Variants in CEP112 observed in about 807,000 individuals in gnomAD.
The protein encoded by CEP112 is centrosomal protein of 112 kDa.
CEP112 carries 127 observed loss-of-function variants against 153.0 expected under a neutral mutation model. The observed-to-expected ratio is 0.83, with a 90% CI of 0.72 to 0.96. The LOEUF (loss-of-function observed/expected upper bound fraction) is 0.96. Ranked by LOEUF, CEP112 falls within the 40% of genes least tolerant of loss-of-function variation. The pLI is 0.00. For synonymous variants in CEP112, 358 were observed against 374.4 expected, an observed-to-expected ratio of 0.96 and a Z score of 0.51; for missense variants, 1,089 against 1,101.2, an observed-to-expected ratio of 0.99 and a Z score of 0.16.
chr17:65,895,202 C>G (rs2059617011), intron 20 of CEP112, among the ~76,000 whole-genome samples: 1 of 151,922 alleles, frequency 6.6e-6, no homozygotes, highest in African/African-American at 2.4e-5. Flanking sequence ...TCTTCTGACC[C>G]AGGTAAAAAG....
intron 23 of CEP112, among the ~76,000 whole-genome samples, chr17:65,707,221 C>T (rs890975814): frequency 6.6e-6 from 1 of 152,062 alleles, no homozygotes; most frequent in African/African-American, 2.4e-5. Context: ...CTCACTTTAC[C>T]CTGCCACATT....
At chr17:66,080,767 GC>G (rs1461568779) in intron 8 of CEP112, among the ~76,000 whole-genome samples, 1 of 152,082 alleles carries the variant, frequency 6.6e-6, no homozygotes, top group African/African-American at 2.4e-5. Flanking sequence ...CAACCCAAAT[GC>G]CCATCAATGA....
chr17:65,720,896 G>A (rs1472377958), intron 23 of CEP112, among the ~76,000 whole-genome samples: 2 of 152,090 alleles, frequency 1.3e-5, no homozygotes, highest in African/African-American at 4.8e-5. Context: ...TGCACAGAGA[G>A]GTTAAATAAC....
At chr17:65,678,065 G>A (rs186946023) in intron 24 of CEP112, among the ~76,000 whole-genome samples, 139 of 152,122 alleles carry the variant, frequency 9.1e-4, no homozygotes, top group Non-Finnish European at 1.5e-3. Context: ...GTGGCCCCTC[G>A]GAATGTTTGA....
At chr17:66,038,110 A>AAAAAAAAAAAAAAAAAG (rs71293591) in intron 12 of CEP112, among the ~76,000 whole-genome samples, 1,294 of 120,026 alleles carry the variant, frequency 0.011, 1 homozygote, top group Non-Finnish European at 0.014. Context: ...CAAAAAAAAA[A>AAAAAAAAAAAAAAAAAG]AAAAGAAAAG....
At chr17:65,921,348 TTGTCATGA>T (rs2060721172) in intron 19 of CEP112, among the ~76,000 whole-genome samples, 1 of 152,202 alleles carries the variant, frequency 6.6e-6, no homozygotes, top group Non-Finnish European at 1.5e-5. Flanking sequence ...TGCCTATCGT[TTGTCATGA>T]TAAACTTCCA....
chr17:65,971,415 A>ATGTGATGTAT (rs2062794710), intron 17 of CEP112, among the ~76,000 whole-genome samples: 5 of 151,416 alleles, frequency 3.3e-5, no homozygotes, highest in African/African-American at 4.9e-5. Flanking sequence ...GCACCCATGC[A>ATGTGATGTAT]GCATGCTGCA....
At chr17:66,188,778 G>A (rs559399193) in intron 1 of CEP112, among the ~76,000 whole-genome samples, 1 of 152,130 alleles carries the variant, frequency 6.6e-6, no homozygotes, top group South Asian at 2.1e-4. Flanking sequence ...TATGCACGTG[G>A]TAACAGAAGG....
chr17:65,674,439 G>C (rs1264292934), intron 24 of CEP112, among the ~76,000 whole-genome samples: 3 of 152,208 alleles, frequency 2.0e-5, no homozygotes, highest in Non-Finnish European at 4.4e-5. Flanking sequence ...CAATTCTAGA[G>C]TGGTTGGTGA....
chr17:65,927,337 T>C (rs1343065705), intron 19 of CEP112, among the ~76,000 whole-genome samples: 4 of 152,190 alleles, frequency 2.6e-5, no homozygotes, highest in Admixed American at 2.6e-4. Flanking sequence ...CTACCCAGTC[T>C]CATCAATTAT....
intron 24 of CEP112, among the ~76,000 whole-genome samples, chr17:65,673,001 T>G (rs2047061624): frequency 6.6e-6 from 1 of 152,176 alleles, no homozygotes; most frequent in Non-Finnish European, 1.5e-5. Context: ...CAACACAGAT[T>G]TATTCCCTCA....
At chr17:66,161,540 C>T (rs897249426) in intron 4 of CEP112, among the ~76,000 whole-genome samples, 5 of 151,940 alleles carry the variant, frequency 3.3e-5, no homozygotes, top group Non-Finnish European at 5.9e-5. Context: ...TGCAGGGACA[C>T]GGATGAAGCT....
At chr17:65,841,556 C>T (rs184469396) in intron 21 of CEP112, among the ~76,000 whole-genome samples, 31 of 151,812 alleles carry the variant, frequency 2.0e-4, no homozygotes, top group African/African-American at 7.2e-4. Flanking sequence ...TACAGTTAAA[C>T]GTAAGGAAGA....
chr17:66,168,895 T>C (rs946533402), intron 4 of CEP112, among the ~76,000 whole-genome samples: 1 of 152,156 alleles, frequency 6.6e-6, no homozygotes, highest in East Asian at 1.9e-4. Context: ...CCTTGCTACT[T>C]CTGCCTCCTG....
In CEP112 at chr17:65,812,406, T is replaced by A. The variant is rs150895245; in HGVS notation, c.2394+39398A>T. Among the ~76,000 whole-genome samples, 789 of 152,308 alleles carry A rather than the reference T, an allele frequency of 5.2e-3. 3 individuals carry two copies. The highest frequency in any genetic ancestry group is 0.02 in the Middle Eastern group (6 of 294). Reference sequence around the variant, plus strand: ...TTACATGGGGAAGAAAATGGCCTTTTCCTCCTTGTAGATGATTCAGTTAAG... The same window carrying A: ...TTACATGGGGAAGAAAATGGCCTTTACCTCCTTGTAGATGATTCAGTTAAG... On this transcript the variant is annotated intron_variant, in intron 21 of 26. Coordinates refer to ENST00000535342, the MANE Select transcript of CEP112 (RefSeq NM_001199165.4).
chr17:65,987,365 A>T (rs1318143631), intron 17 of CEP112, among the ~76,000 whole-genome samples: 1 of 152,186 alleles, frequency 6.6e-6, no homozygotes, highest in Non-Finnish European at 1.5e-5. Flanking sequence ...TACTCAGAGG[A>T]CAAAAACAAC....
intron 21 of CEP112, among the ~76,000 whole-genome samples, chr17:65,787,934 G>A (rs1411985216): frequency 7.9e-5 from 12 of 152,066 alleles, no homozygotes; most frequent in South Asian, 6.2e-4. Context: ...TGTGACCAAT[G>A]GCATCTGTAT....
intron 17 of CEP112, among the ~76,000 whole-genome samples, chr17:66,004,206 G>C (rs553758528): frequency 1.3e-5 from 2 of 152,152 alleles, no homozygotes; most frequent in African/African-American, 4.8e-5. Context: ...ACTGGGCCAG[G>C]TGTGGTGGCT....
chr17:65,748,125 A>G (rs2051587073), intron 22 of CEP112, among the ~76,000 whole-genome samples: 1 of 152,190 alleles, frequency 6.6e-6, no homozygotes, highest in Non-Finnish European at 1.5e-5. Flanking sequence ...GCTTCTCTGA[A>G]CTGACTGGCA....
Sources: allele counts gnomAD v4.1 joint callset (sites outside exome capture counted in the v4.1 genomes callset), GRCh38; gene constraint gnomAD v4.1.1; transcripts MANE v1.5; gene names NCBI Gene and HGNC (gene_info 2026-07-23, HGNC 2026-07-21).